EXOC4: variants seen among roughly 807,000 people sequenced by gnomAD.
The protein encoded by EXOC4 is exocyst complex component 4.
In EXOC4, 71 loss-of-function variants were observed where a neutral mutation model predicts 107.2. The ratio of observed to expected loss-of-function variants is 0.66; its 90% CI spans 0.55 to 0.81. The LOEUF is 0.81. Among genes scored for constraint, EXOC4 ranks in the 30% least tolerant of loss-of-function variants. The pLI is 0.00. For missense variants in EXOC4, 1,108 were observed against 1,189.6 expected (o/e 0.93, Z 1.01); for synonymous variants, 456 against 441.2 (o/e 1.03, Z -0.42).
chr7:133,258,912 T>G (rs1184652728), intron 1 of EXOC4, among the ~76,000 whole-genome samples: 1 of 152,176 alleles, frequency 6.6e-6, no homozygotes, highest in Non-Finnish European at 1.5e-5. Flanking sequence ...AAACATTTAT[T>G]AGATTAAAAG....
chr7:133,552,794 TAAC>T (rs895860714), intron 9 of EXOC4, among the ~76,000 whole-genome samples: 25 of 152,158 alleles, frequency 1.6e-4, no homozygotes, highest in African/African-American at 5.6e-4. Context: ...TTCCTGATAA[TAAC>T]AAATCATATT....
At chr7:134,046,958 G>A (rs929852440) in intron 17 of EXOC4, among the ~76,000 whole-genome samples, 1 of 152,166 alleles carries the variant, frequency 6.6e-6, no homozygotes, top group Middle Eastern at 3.2e-3. Context: ...TGTGACAAAG[G>A]CAGCCCCTGC....
intron 10 of EXOC4, among the ~76,000 whole-genome samples, chr7:133,701,093 G>T (rs1358893037): frequency 6.6e-6 from 1 of 152,126 alleles, no homozygotes; most frequent in Non-Finnish European, 1.5e-5. Flanking sequence ...ACATTACTTT[G>T]AACTTGCAAG....
chr7:133,460,613 A>T (rs926814041), intron 7 of EXOC4, among the ~76,000 whole-genome samples: 1 of 152,136 alleles, frequency 6.6e-6, no homozygotes, highest in Non-Finnish European at 1.5e-5. Flanking sequence ...CTGATAAAAT[A>T]GTATTACTTT....
intron 5 of EXOC4, among the ~76,000 whole-genome samples, chr7:133,341,341 T>C (rs1446864648): frequency 6.6e-6 from 1 of 152,214 alleles, no homozygotes; most frequent in African/African-American, 2.4e-5. Flanking sequence ...TGTAGTGTTT[T>C]GAGGGTTCCT....
intron 10 of EXOC4, among the ~76,000 whole-genome samples, chr7:133,808,201 A>C (rs2151203275): frequency 6.6e-6 from 1 of 152,354 alleles, no homozygotes. Context: ...CAAAAGGCAC[A>C]GATAGTAGTT....
chr7:133,565,085 G>C (rs563526895), intron 9 of EXOC4, among the ~76,000 whole-genome samples: 40 of 152,118 alleles, frequency 2.6e-4, no homozygotes, highest in Non-Finnish European at 4.6e-4. Flanking sequence ...TAGTGACCTT[G>C]GTAAATACTT....
intron 9 of EXOC4, among the ~76,000 whole-genome samples, chr7:133,557,461 G>A (rs1293337556): frequency 6.6e-6 from 1 of 152,160 alleles, no homozygotes; most frequent in East Asian, 1.9e-4. Context: ...GATTTCATGG[G>A]CCCAAGGTTA....
intron 10 of EXOC4, among the ~76,000 whole-genome samples, chr7:133,790,575 T>C (rs1796681000): frequency 6.6e-6 from 1 of 152,274 alleles, no homozygotes; most frequent in Non-Finnish European, 1.5e-5. Context: ...TTGTATTTTG[T>C]GGGTGACCAC....
rs1193052328 is a variant in EXOC4, at chr7:133,627,720, G to A, written c.1418-2325G>A. On this transcript the variant is annotated intron_variant, in intron 9 of 17. Transcript: ENST00000253861. ...CAGTCTTCATGCTTTCCTTAACTCA[G>A]CAAAACTTAGCAGCACCTTCATATC... is the stretch of plus-strand genomic sequence containing the variant. 2.0e-5 allele frequency among the ~76,000 whole-genome samples: 3 copies of A among 152,080 alleles called. No individual in the cohort carries two copies. In the East Asian group the frequency reaches 5.8e-4, roughly 29 times the overall value.
intron 17 of EXOC4, among the ~76,000 whole-genome samples, chr7:134,019,233 A>G (rs2116412361): frequency 6.6e-6 from 1 of 152,314 alleles, no homozygotes; most frequent in East Asian, 1.9e-4. Flanking sequence ...CCCAGCCACG[A>G]TGTATGTTTT....
intron 7 of EXOC4, among the ~76,000 whole-genome samples, chr7:133,440,081 C>G (rs543303947): frequency 6.6e-6 from 1 of 152,198 alleles, no homozygotes; most frequent in Non-Finnish European, 1.5e-5. Context: ...TGGCAACCCT[C>G]TCCCACCCCC....
chr7:133,363,803 G>A (rs1796186154), intron 6 of EXOC4, among the ~76,000 whole-genome samples: 1 of 152,090 alleles, frequency 6.6e-6, no homozygotes, highest in South Asian at 2.1e-4. Context: ...GCTGCCTTAG[G>A]TTTTGTCATT....
At chr7:133,932,212 G>A (rs6943986) in intron 13 of EXOC4, among the ~76,000 whole-genome samples, 64,644 of 151,856 alleles carry the variant, frequency 0.43, 14,292 homozygotes, top group South Asian at 0.61. Context: ...ACTTCTTATC[G>A]TACATGTTAT....
intron 10 of EXOC4, among the ~76,000 whole-genome samples, chr7:133,797,399 G>A (rs557932740): frequency 1.3e-5 from 2 of 152,216 alleles, no homozygotes; most frequent in South Asian, 4.2e-4. Flanking sequence ...TCATTAGACT[G>A]GTACTCTTCC....
At chr7:133,478,899 T>C (rs1482460553) in intron 8 of EXOC4, 1 of 152,212 alleles carries the variant, frequency 6.6e-6, no homozygotes, top group African/African-American at 2.4e-5. Flanking sequence ...TCTTTCTGGC[T>C]GTTAGTACCC....
At chr7:133,999,879 C>G (rs1474700606) in intron 15 of EXOC4, among the ~76,000 whole-genome samples, 1 of 152,146 alleles carries the variant, frequency 6.6e-6, no homozygotes, top group East Asian at 1.9e-4. Context: ...CAATACTCTT[C>G]TTAATACTGA....
Position 134,064,769 on chromosome 7 carries a change from G to A in EXOC4, c.*241G>A, listed in dbSNP as rs1031584442. 1.4e-5 allele frequency: 4 copies of A among 284,238 alleles called. No homozygotes were observed. Among genetic ancestry groups the A allele is most frequent in the Admixed American group, 1.0e-4 (2 of 19,050 alleles). 17.6% of individuals were successfully genotyped at this position (284,238 alleles called of 1,614,324 possible). On this transcript the variant is annotated 3_prime_UTR_variant, in exon 18 of 18. Transcript: ENST00000253861. ...CAGTCAAATCTAACGGGACTAGGGTGGGATAGGGAGGAAGGTGGTATCAAA... is the reference window on the plus strand; with the variant it reads ...CAGTCAAATCTAACGGGACTAGGGTAGGATAGGGAGGAAGGTGGTATCAAA...
intron 8 of EXOC4, among the ~76,000 whole-genome samples, chr7:133,477,010 A>G (rs1291549214): frequency 6.6e-6 from 1 of 152,116 alleles, no homozygotes; most frequent in African/African-American, 2.4e-5. Flanking sequence ...AAACATATAG[A>G]CTTTATTTTT....
Sources: gnomAD v4.1 joint callset for allele counts (sites outside exome capture counted in the v4.1 genomes callset) on GRCh38, gnomAD v4.1.1 for gene constraint, MANE v1.5 for transcripts, NCBI Gene and HGNC (gene_info 2026-07-23, HGNC 2026-07-21) for gene names.